LRRC28: variants seen among roughly 807,000 people sequenced by gnomAD.
The protein encoded by LRRC28 is leucine rich repeat containing 28, also known as leucine-rich repeat-containing protein 28.
A neutral mutation model predicts 45.7 loss-of-function variants in LRRC28; 39 were observed. The observed-to-expected ratio is 0.85, with a 90% CI of 0.66 to 1.12. The LOEUF (loss-of-function observed/expected upper bound fraction) is 1.12. Ranked by LOEUF, LRRC28 falls within the 50% of genes most tolerant of loss-of-function variation. The pLI, the probability that LRRC28 is intolerant of heterozygous loss-of-function variation, is 0.00. For missense variants in LRRC28, 435 were observed against 438.5 expected (o/e 0.99, Z 0.07); for synonymous variants, 206 against 178.8 (o/e 1.15, Z -1.22).
intron 5 of LRRC28, among the ~76,000 whole-genome samples, chr15:99,329,576 A>G (rs1956092943): frequency 6.6e-6 from 1 of 152,242 alleles, no homozygotes; most frequent in Admixed American, 6.5e-5. Context: ...TTACATTATT[A>G]CAATGTTAAC....
rs1958056292 is a variant in LRRC28 at position 99,387,368 on chromosome 15, G to GT, written c.*1271dup. 1 of 152,276 alleles carries GT rather than the reference G, an allele frequency of 6.6e-6. No individual in the cohort carries two copies. The highest frequency in any genetic ancestry group is 2.1e-4 in the South Asian group (1 of 4,832). 9.4% of individuals were successfully genotyped at this position (152,276 alleles called of 1,614,324 possible). ...AGCCACCGCGCCCGGCCCACTACTG[G>GT]TTTTTAACAGGATGATTCAAAGTAC... On this transcript the variant is annotated 3_prime_UTR_variant, in exon 10 of 10. Transcript: ENST00000301981.
intron 9 of LRRC28, among the ~76,000 whole-genome samples, chr15:99,385,187 C>T (rs1957945075): frequency 6.6e-6 from 1 of 152,156 alleles, no homozygotes; most frequent in African/African-American, 2.4e-5. Context: ...GCCCTTCAGC[C>T]CCCTGCTGGT....
rs3743238 is a variant in LRRC28, at chr15:99,251,490, T to C, written c.-112T>C. ...CCCCGCCCCGCCCGCCGTCCCCCGC[T>C]TGGCTTCCAGCGCCGCTTGCGCTCC... is the stretch of plus-strand genomic sequence containing the variant. On this transcript the variant is annotated 5_prime_UTR_variant, in exon 1 of 10. Transcript: ENST00000301981. The C allele has an allele frequency of 0.086, 12,730 of 147,172 alleles. 585 individuals carry two copies. Among genetic ancestry groups the C allele is most frequent in the African/African-American group, 0.12 (4,764 of 40,486 alleles). 9.1% of individuals were successfully genotyped at this position (147,172 alleles called of 1,614,324 possible). A position where few individuals can be genotyped will look rare whatever the true frequency, so the allele number is the denominator to read the frequency against.
chr15:99,298,595 A>G (rs2082323887), intron 5 of LRRC28, among the ~76,000 whole-genome samples: 1 of 152,186 alleles, frequency 6.6e-6, no homozygotes, highest in Non-Finnish European at 1.5e-5. Flanking sequence ...TTTATGATGA[A>G]TACCAGGAAT....
rs898079857 is a variant in LRRC28, at chr15:99,381,493, T to G, written c.1032-4537T>G. 4.6e-5 allele frequency among the ~76,000 whole-genome samples: 7 copies of G among 152,210 alleles called. No homozygotes were observed. In the South Asian group the frequency reaches 8.3e-4, roughly 18 times the overall value. On this transcript the variant is annotated intron_variant, in intron 9 of 9. Transcript: ENST00000301981. ...TGGGTTCGAACTTCCTCCTTTAGCT[T>G]GGAGAAGTTTGATCTTCTGAAGCCT...
intron 6 of LRRC28, among the ~76,000 whole-genome samples, chr15:99,342,871 G>A (rs1040745008): frequency 3.9e-5 from 6 of 152,272 alleles, no homozygotes; most frequent in African/African-American, 1.4e-4. Context: ...AAGGTGAATA[G>A]AAAGACAGTG....
chr15:99,300,243 G>C (rs970374104), intron 5 of LRRC28, among the ~76,000 whole-genome samples: 1 of 151,820 alleles, frequency 6.6e-6, no homozygotes, highest in Non-Finnish European at 1.5e-5. Context: ...GTCATTATAA[G>C]ATGTTGAAAT....
intron 6 of LRRC28, among the ~76,000 whole-genome samples, chr15:99,343,706 G>C (rs887449225): frequency 7.9e-5 from 12 of 152,146 alleles, no homozygotes; most frequent in Non-Finnish European, 2.9e-5. Context: ...CTATTGTAAG[G>C]TATCGGTGCA....
intron 2 of LRRC28, chr15:99,257,992 T>C: frequency 1.1e-6 from 1 of 890,184 alleles, no homozygotes; most frequent in East Asian, 2.4e-5. Context: ...CTAATGAAAA[T>C]GCTCTTTCTG....
chr15:99,314,530 T>C (rs1199538011), intron 5 of LRRC28, among the ~76,000 whole-genome samples: 1 of 152,182 alleles, frequency 6.6e-6, no homozygotes, highest in East Asian at 1.9e-4. Context: ...GTCATGAATT[T>C]GTAACAATAT....
chr15:99,350,933 C>G (rs1956858017), intron 6 of LRRC28, among the ~76,000 whole-genome samples: 1 of 152,152 alleles, frequency 6.6e-6, no homozygotes. Context: ...GCAGCTGGAA[C>G]TAGAGACACA....
At chr15:99,290,978 C>T (rs1471327316) in intron 5 of LRRC28, among the ~76,000 whole-genome samples, 4 of 151,964 alleles carry the variant, frequency 2.6e-5, no homozygotes, top group Admixed American at 6.6e-5. Context: ...CAAACCCCCA[C>T]AAAAAACAAT....
In LRRC28 at chr15:99,386,156, C is replaced by A; in HGVS notation, c.*54C>A. 2.2e-6 allele frequency: 3 copies of A among 1,340,954 alleles called. No individual in the cohort carries two copies. Among genetic ancestry groups the A allele is most frequent in the Middle Eastern group, 1.8e-4 (1 of 5,548 alleles). The allele number at this position is 1,340,954 out of a possible 1,614,324, so 83.1% of individuals were successfully genotyped here. ...CCAGCTTGACACTGGGGAATCCAGCCAGTCCAGCACACTCTTCCATCCTGT... is the reference window on the plus strand; with the variant it reads ...CCAGCTTGACACTGGGGAATCCAGCAAGTCCAGCACACTCTTCCATCCTGT... On this transcript the variant is annotated 3_prime_UTR_variant, in exon 10 of 10. Transcript: ENST00000301981.
intron 5 of LRRC28, among the ~76,000 whole-genome samples, chr15:99,291,886 AT>A (rs1271142778): frequency 5.9e-5 from 9 of 152,190 alleles, no homozygotes; most frequent in African/African-American, 1.9e-4. Flanking sequence ...GTAGTATTGC[AT>A]TTTTTTGAAT....
At position 99,363,407 on chromosome 15, in the gene LRRC28, G is replaced by A. The variant is rs193089184; in HGVS notation, c.1031+142G>A. The stretch of plus-strand genomic sequence containing the variant: ...TTCCTGAGAAACAGCTAAATGAAAC[G>A]ATGCTCACTTTCAACATCACAAGAA... On this transcript the variant is annotated intron_variant, in intron 9 of 9. Transcript: ENST00000301981. The A allele has an allele frequency of 2.3e-4, 186 of 824,932 alleles. 1 individual carries two copies. The African/African-American group carries it at 2.8e-3, about 12-fold the overall frequency. The allele number at this position is 824,932 out of a possible 1,614,324, so 51.1% of individuals were successfully genotyped here.
intron 6 of LRRC28, among the ~76,000 whole-genome samples, chr15:99,347,677 T>A (rs1015681762): frequency 2.0e-5 from 3 of 152,260 alleles, no homozygotes; most frequent in Non-Finnish European, 4.4e-5. Flanking sequence ...TAGTCATTCA[T>A]CAATGGGCAT....
rs2080777552 is a variant in LRRC28, at chr15:99,251,545, A to G, written c.-61+4A>G. The G allele has an allele frequency of 1.3e-5, 2 of 150,394 alleles. No homozygotes were observed. Among genetic ancestry groups the G allele is most frequent in the Admixed American group, 6.6e-5 (1 of 15,098 alleles). 9.3% of individuals were successfully genotyped at this position (150,394 alleles called of 1,614,324 possible). ...CGCTGGCTCTGCTGGCGCTGAGGTG[A>G]GTAGAGCTGTCCGCCTCGTCGGGTG... On this transcript the variant is annotated splice_donor_region_variant and intron_variant, in intron 1 of 9. Transcript: ENST00000301981.
intron 5 of LRRC28, among the ~76,000 whole-genome samples, chr15:99,291,166 T>A (rs2082112340): frequency 1.3e-5 from 2 of 152,238 alleles, no homozygotes; most frequent in African/African-American, 4.8e-5. Flanking sequence ...GTTTTGTGAC[T>A]ACTTTCACAT....
At chr15:99,292,388 C>T (rs964287133) in intron 5 of LRRC28, among the ~76,000 whole-genome samples, 8 of 130,926 alleles carry the variant, frequency 6.1e-5, no homozygotes, top group East Asian at 2.6e-4. Flanking sequence ...AACGGAGTCT[C>T]GCTCTGTCGC....
Sources: allele counts gnomAD v4.1 joint callset (sites outside exome capture counted in the v4.1 genomes callset), GRCh38; gene constraint gnomAD v4.1.1; transcripts MANE v1.5; gene names NCBI Gene and HGNC (gene_info 2026-07-23, HGNC 2026-07-21).